FSTL5: variants seen among roughly 807,000 people sequenced by gnomAD.
FSTL5 encodes the protein follistatin like 5, also known as follistatin-related protein 5.
A neutral mutation model predicts 89.1 loss-of-function variants in FSTL5; 62 were observed. That is an observed-to-expected ratio of 0.70 (90% CI 0.57 to 0.86). The LOEUF (loss-of-function observed/expected upper bound fraction) is 0.86. Among genes scored for constraint, FSTL5 ranks in the 40% least tolerant of loss-of-function variants. The pLI is 0.00. For synonymous variants in FSTL5, 383 were observed against 346.2 expected (o/e 1.11, Z -1.18); for missense variants, 1,057 against 1,001.6 (o/e 1.06, Z -0.75).
chr4:161,991,918 A>G (rs1326981791), intron 3 of FSTL5, among the ~76,000 whole-genome samples: 1 of 152,220 alleles, frequency 6.6e-6, no homozygotes, highest in African/African-American at 2.4e-5. Context: ...TATGAAGGAT[A>G]TAAGAGAATA....
At chr4:161,456,024 T>C (rs1473552208) in intron 14 of FSTL5, among the ~76,000 whole-genome samples, 2 of 152,198 alleles carry the variant, frequency 1.3e-5, no homozygotes, top group Non-Finnish European at 2.9e-5. Flanking sequence ...AGTTTGTTTT[T>C]CCTAAAGGGT....
intron 7 of FSTL5, among the ~76,000 whole-genome samples, chr4:161,588,301 AC>A (rs1318579854): frequency 6.6e-6 from 1 of 152,172 alleles, no homozygotes; most frequent in Non-Finnish European, 1.5e-5. Flanking sequence ...GTTATCTACT[AC>A]TTGTATATTA....
Position 161,557,236 on chromosome 4 carries a change from CATA to C in FSTL5, c.1016-14546_1016-14544del, listed in dbSNP as rs374613633. ...GCAGCCTTAAAAATTATATATAAAT[CATA>C]ATAAGCCTAAAACTTGCTAAACAAA... is the stretch of plus-strand genomic sequence containing the variant. On this transcript the variant is annotated intron_variant, in intron 8 of 15. Transcript: ENST00000306100. 2.7e-4 allele frequency among the ~76,000 whole-genome samples: 41 copies of C among 151,392 alleles called. No homozygotes were observed. In the East Asian group the frequency reaches 7.6e-3, roughly 28 times the overall value.
At chr4:162,053,550 A>G (rs983581347) in intron 2 of FSTL5, among the ~76,000 whole-genome samples, 5 of 151,764 alleles carry the variant, frequency 3.3e-5, no homozygotes, top group African/African-American at 1.2e-4. Flanking sequence ...TCAACAGACT[A>G]TGCTCCCCCA....
intron 8 of FSTL5, among the ~76,000 whole-genome samples, chr4:161,584,194 C>T (rs752255083): frequency 6.6e-6 from 1 of 152,170 alleles, no homozygotes; most frequent in Non-Finnish European, 1.5e-5. Flanking sequence ...CCTCCTCAAA[C>T]CACTAAAGCT....
In FSTL5 at chr4:161,587,312, TA is replaced by T; in HGVS notation, c.1015+142del. 8.0e-6 allele frequency: 5 copies of T among 621,192 alleles called. 1 individual carries two copies. Among genetic ancestry groups the T allele is most frequent in the South Asian group, 7.0e-5 (3 of 42,908 alleles). 38.5% of individuals were successfully genotyped at this position (621,192 alleles called of 1,614,324 possible). A position where few individuals can be genotyped will look rare whatever the true frequency, so the allele number is the denominator to read the frequency against. ...AAATTTTGTGTTTTTTTTTTTTACTTAAAAAACTTTTACATTATCAGTTGAG... is the reference window on the plus strand; with the variant it reads ...AAATTTTGTGTTTTTTTTTTTTACTTAAAAACTTTTACATTATCAGTTGAG... On this transcript the variant is annotated intron_variant, in intron 8 of 15. Coordinates refer to ENST00000306100, the MANE Select transcript of FSTL5 (RefSeq NM_020116.5).
At chr4:161,735,681 C>T (rs1739786127) in intron 6 of FSTL5, among the ~76,000 whole-genome samples, 1 of 151,980 alleles carries the variant, frequency 6.6e-6, no homozygotes, top group Non-Finnish European at 1.5e-5. Flanking sequence ...GTTATTAATG[C>T]ATATATAACT....
At chr4:162,120,058 A>C (rs2111430265) in intron 1 of FSTL5, among the ~76,000 whole-genome samples, 1 of 152,244 alleles carries the variant, frequency 6.6e-6, no homozygotes, top group South Asian at 2.1e-4. Flanking sequence ...AAAAGGAGAA[A>C]ATTTTTCTTC....
At chr4:161,703,633 ACT>A (rs1451370494) in intron 6 of FSTL5, among the ~76,000 whole-genome samples, 1 of 152,058 alleles carries the variant, frequency 6.6e-6, no homozygotes, top group Non-Finnish European at 1.5e-5. Flanking sequence ...TTTGGCAATT[ACT>A]CTGTTTTCCA....
intron 8 of FSTL5, among the ~76,000 whole-genome samples, chr4:161,545,806 C>A (rs1440342262): frequency 6.6e-6 from 1 of 151,858 alleles, no homozygotes; most frequent in Non-Finnish European, 1.5e-5. Context: ...AACCTATTAT[C>A]TTTATAATTA....
chr4:162,154,190 CTTTA>C (rs1733380223), intron 1 of FSTL5, among the ~76,000 whole-genome samples: 1 of 151,850 alleles, frequency 6.6e-6, no homozygotes, highest in Non-Finnish European at 1.5e-5. Context: ...AGTTAGTTAT[CTTTA>C]TTTAGCTTTT....
intron 1 of FSTL5, among the ~76,000 whole-genome samples, chr4:162,158,424 G>T (rs956028586): frequency 6.6e-6 from 1 of 152,036 alleles, no homozygotes; most frequent in African/African-American, 2.4e-5. Context: ...GTATACTAAA[G>T]AATATACGCT....
At chr4:161,747,406 C>G (rs1579064451) in intron 6 of FSTL5, among the ~76,000 whole-genome samples, 1 of 152,070 alleles carries the variant, frequency 6.6e-6, no homozygotes, top group Non-Finnish European at 1.5e-5. Flanking sequence ...TAGACAAGTA[C>G]AATATGCCAT....
chr4:161,817,389 A>G (rs1321249840), intron 4 of FSTL5, among the ~76,000 whole-genome samples: 3 of 152,234 alleles, frequency 2.0e-5, no homozygotes, highest in Non-Finnish European at 4.4e-5. Flanking sequence ...GCTAATTAGA[A>G]AAGTCAATCT....
At position 161,894,010 on chromosome 4, in the gene FSTL5, T is replaced by C. The variant is rs1230535081; in HGVS notation, c.409+26394A>G. Among the ~76,000 whole-genome samples the C allele has an allele frequency of 2.6e-5, 4 of 152,320 alleles. No homozygotes were observed. In the East Asian group the frequency reaches 7.7e-4, roughly 29 times the overall value. On this transcript the variant is annotated intron_variant, in intron 4 of 15. Transcript: ENST00000306100. ...TTTGCCCATTGTAGAAACATAGGTA[T>C]GGTTTTTATCCAATTTATATAGGTT...
At chr4:161,956,203 G>A (rs1735021926) in intron 3 of FSTL5, among the ~76,000 whole-genome samples, 1 of 151,768 alleles carries the variant, frequency 6.6e-6, no homozygotes, top group African/African-American at 2.4e-5. Context: ...GATAAGTGCT[G>A]AAATAGCAAT....
At chr4:161,632,745 C>T (rs1447247725) in intron 7 of FSTL5, among the ~76,000 whole-genome samples, 1 of 152,080 alleles carries the variant, frequency 6.6e-6, no homozygotes, top group Non-Finnish European at 1.5e-5. Context: ...GAGTTATATA[C>T]ACTATTTCTA....
At chr4:161,741,205 G>T (rs1362060928) in intron 6 of FSTL5, among the ~76,000 whole-genome samples, 3 of 152,146 alleles carry the variant, frequency 2.0e-5, no homozygotes, top group South Asian at 2.1e-4. Flanking sequence ...CAGTTACAGG[G>T]CAAAGGGGAA....
chr4:161,718,486 C>T (rs538694208), intron 6 of FSTL5, among the ~76,000 whole-genome samples: 9 of 151,582 alleles, frequency 5.9e-5, no homozygotes, highest in Admixed American at 2.6e-4. Context: ...TGGAGTGCAA[C>T]GGCGAGATCT....
Sources: allele counts gnomAD v4.1 joint callset (sites outside exome capture counted in the v4.1 genomes callset), GRCh38; gene constraint gnomAD v4.1.1; transcripts MANE v1.5; gene names NCBI Gene and HGNC (gene_info 2026-07-23, HGNC 2026-07-21).